The following PDZD2 variants were observed in gnomAD, a reference collection of about 807,000 sequenced individuals.
The protein encoded by PDZD2 is PDZ domain containing 2.
PDZD2 carries 90 observed loss-of-function variants against 220.7 expected under a neutral mutation model. That is an observed-to-expected ratio of 0.41 (90% CI 0.34 to 0.49). PDZD2 has a LOEUF of 0.49. Ranked by LOEUF, PDZD2 falls within the 20% of genes least tolerant of loss-of-function variation. The pLI, the probability that PDZD2 is intolerant of heterozygous loss-of-function variation, is 0.28. For synonymous variants in PDZD2, 1,375 were observed against 1,450.5 expected (o/e 0.95, Z 1.18); for missense variants, 3,174 against 3,608.5 (o/e 0.88, Z 3.08).
At chr5:31,650,328 T>C (rs1450657030) in intron 1 of PDZD2, among the ~76,000 whole-genome samples, 1 of 152,218 alleles carries the variant, frequency 6.6e-6, no homozygotes, top group Non-Finnish European at 1.5e-5. Context: ...TGCATATCTA[T>C]TAAGAGTTGG....
In PDZD2 at chr5:32,003,331, C is replaced by CCACCACACACA. The variant is rs1554022717; in HGVS notation, c.1254+3068_1254+3069insACACACCACAC. On this transcript the variant is annotated intron_variant, in intron 5 of 24. Coordinates refer to ENST00000438447, the MANE Select transcript of PDZD2 (RefSeq NM_178140.4). ...CCACACACACCCCACACACACACCC[C>CCACCACACACA]CACCACACCACACACACACCACACA... Among the ~76,000 whole-genome samples the CCACCACACACA allele has an allele frequency of 1.1e-3, 75 of 69,706 alleles. 6 individuals carry two copies. The highest frequency in any genetic ancestry group is 4.5e-3 in the African/African-American group (62 of 13,680). The allele number at this position is 69,706 out of a possible 152,430, so 45.7% of individuals were successfully genotyped here.
At chr5:31,847,158 G>A (rs1209175502) in intron 2 of PDZD2, 1 of 162,996 alleles carries the variant, frequency 6.1e-6, no homozygotes, top group Non-Finnish European at 1.3e-5. Flanking sequence ...ATACTGAATT[G>A]AAGGAAACAT....
intron 4 of PDZD2, among the ~76,000 whole-genome samples, chr5:31,996,448 C>T (rs902704207): frequency 6.6e-6 from 1 of 151,804 alleles, no homozygotes; most frequent in African/African-American, 2.4e-5. Context: ...CAGCTGGGTG[C>T]GCCTGTAATG....
rs58100064 is a variant in PDZD2, at chr5:31,883,216, CTTTTTTTTTT to C, written c.476+83505_476+83514del. 4.5e-3 allele frequency among the ~76,000 whole-genome samples: 429 copies of C among 94,520 alleles called. 9 individuals are homozygous for C. In the Admixed American group the frequency reaches 0.051, roughly 11 times the overall value. The allele number at this position is 94,520 out of a possible 152,430, so 62.0% of individuals were successfully genotyped here. The stretch of plus-strand genomic sequence containing the variant: ...AATTATGAGTTTATTAGCATGCTAC[CTTTTTTTTTT>C]TTTTTTTTTTTTGAGATGGAGTCTC... On this transcript the variant is annotated intron_variant, in intron 2 of 24. Coordinates refer to ENST00000438447, the MANE Select transcript of PDZD2 (RefSeq NM_178140.4).
chr5:31,942,855 AG>A (rs1323820797), intron 2 of PDZD2, among the ~76,000 whole-genome samples: 1 of 152,150 alleles, frequency 6.6e-6, no homozygotes, highest in Non-Finnish European at 1.5e-5. Context: ...GGTTGATGTG[AG>A]GGGAAAATAG....
At chr5:31,893,269 G>T (rs17508915) in intron 2 of PDZD2, among the ~76,000 whole-genome samples, 3 of 151,958 alleles carry the variant, frequency 2.0e-5, no homozygotes, top group Non-Finnish European at 2.9e-5. Context: ...ATTGTGGTTC[G>T]CATTTAAAAA....
At position 32,072,315 on chromosome 5, in the gene PDZD2, C is replaced by A. The variant is rs1005254895; in HGVS notation, c.2723C>A (p.Ser908Tyr). ...SEEGSLPPST[S>Y]THKEPGKPRA... ...GAGGGCAGCCTGCCTCCCAGCACCTCCAGTAAGCAGGGGTGCCCCAGAGGG... is the reference window on the plus strand; with the variant it reads ...GAGGGCAGCCTGCCTCCCAGCACCTACAGTAAGCAGGGGTGCCCCAGAGGG... Residue 908 changes from serine to tyrosine, a missense_variant and splice_region_variant, in exon 17 of 25, where the codon TCC (serine) becomes TAC (tyrosine). Ser to Tyr is a moderately radical substitution (Grantham distance 144). Coordinates refer to ENST00000438447, the MANE Select transcript of PDZD2 (RefSeq NM_178140.4). 4.0e-5 allele frequency: 64 copies of A among 1,610,438 alleles called. No individual in the cohort carries two copies. Among genetic ancestry groups the A allele is most frequent in the Non-Finnish European group, 5.3e-5 (63 of 1,178,048 alleles).
chr5:31,850,243 T>TATATAC (rs577432352), intron 2 of PDZD2, among the ~76,000 whole-genome samples: 6,056 of 122,108 alleles, frequency 0.05, 287 homozygotes, highest in Non-Finnish European at 0.071. Flanking sequence ...TATATATATA[T>TATATAC]ACACACACAC....
At chr5:31,900,757 CG>C (rs1187900056) in intron 2 of PDZD2, among the ~76,000 whole-genome samples, 5 of 152,170 alleles carry the variant, frequency 3.3e-5, no homozygotes, top group Admixed American at 2.6e-4. Flanking sequence ...ATTATCACCC[CG>C]AGGAACAGCT....
chr5:31,908,385 A>G (rs1441917643), intron 2 of PDZD2: 3 of 387,106 alleles, frequency 7.7e-6, no homozygotes, highest in Non-Finnish European at 1.4e-5. Flanking sequence ...GGACCTTGTC[A>G]GCCATGATCA....
chr5:31,679,652 T>A (rs1746575709), intron 1 of PDZD2, among the ~76,000 whole-genome samples: 1 of 152,116 alleles, frequency 6.6e-6, no homozygotes, highest in African/African-American at 2.4e-5. Context: ...GGATTACAGA[T>A]GTGCACCACC....
At chr5:31,906,788 G>A (rs10061957) in intron 2 of PDZD2, among the ~76,000 whole-genome samples, 9,090 of 152,048 alleles carry the variant, frequency 0.06, 901 homozygotes, top group African/African-American at 0.21. Flanking sequence ...AGTTCCAGTG[G>A]GCCAAAAGTG....
At chr5:32,103,235 T>A (rs1744433905) in intron 24 of PDZD2, among the ~76,000 whole-genome samples, 1 of 152,022 alleles carries the variant, frequency 6.6e-6, no homozygotes, top group Admixed American at 6.6e-5. Flanking sequence ...CTGAATGTAT[T>A]TATTTAAAAC....
At chr5:32,079,625 G>C (rs1350150863) in intron 19 of PDZD2, among the ~76,000 whole-genome samples, 1 of 151,810 alleles carries the variant, frequency 6.6e-6, no homozygotes, top group Non-Finnish European at 1.5e-5. Context: ...TGGCCAACAT[G>C]GTGAAACCCA....
chr5:31,727,483 C>T (rs574515765), intron 1 of PDZD2, among the ~76,000 whole-genome samples: 1 of 140,200 alleles, frequency 7.1e-6, no homozygotes, highest in Admixed American at 7.1e-5. Flanking sequence ...GAGGCGGGCG[C>T]ATCACCTGAG....
At chr5:31,885,075 T>G (rs1413109772) in intron 2 of PDZD2, among the ~76,000 whole-genome samples, 2 of 150,496 alleles carry the variant, frequency 1.3e-5, no homozygotes, top group African/African-American at 4.9e-5. Context: ...CATAAAAATG[T>G]GTAAGTTAAT....
intron 15 of PDZD2, among the ~76,000 whole-genome samples, chr5:32,070,921 G>A (rs561234026): frequency 1.1e-4 from 17 of 152,298 alleles, no homozygotes; most frequent in Admixed American, 3.9e-4. Flanking sequence ...TCAGTGAGCC[G>A]AGATCATGCC....
rs773779389 is a variant in PDZD2, at chr5:32,090,534, G to A, written c.7086G>A (p.Ser2362=). The A allele has an allele frequency of 8.7e-6, 14 of 1,613,616 alleles. No individual in the cohort carries two copies. The highest frequency in any genetic ancestry group is 5.0e-5 in the Admixed American group (3 of 59,940). Residue 2362 remains serine, a synonymous_variant, in exon 20 of 25, where the codon TCG becomes TCA. Transcript: ENST00000438447. This position sits in a 1 kb window ranked among gnomAD's most constrained non-coding sequence, Gnocchi z 4.3. ...VAKSGASPFL[S]VSSKPPIGRR... ...AGTCCGGGGCTTCCCCATTTTTGTC[G>A]GTGAGCTCCAAGCCTCCCATTGGGA...
chr5:31,705,408 A>G (rs2150135934), intron 1 of PDZD2, among the ~76,000 whole-genome samples: 1 of 152,334 alleles, frequency 6.6e-6, no homozygotes, highest in East Asian at 1.9e-4. Context: ...TGGTGCCATT[A>G]AAGACTCCTA....
Sources: allele counts gnomAD v4.1 joint callset (sites outside exome capture counted in the v4.1 genomes callset), GRCh38; gene constraint gnomAD v4.1.1; non-coding constraint Gnocchi (gnomAD v3.1); transcripts MANE v1.5; gene names NCBI Gene and HGNC (gene_info 2026-07-23, HGNC 2026-07-21).